Variants in COL19A1 observed in about 807,000 individuals in gnomAD.
COL19A1 encodes collagen type XIX alpha 1 chain.
Under a neutral mutation model 190.2 loss-of-function variants are expected in COL19A1, and 159 were observed. That is an observed-to-expected ratio of 0.84 (90% confidence interval 0.73 to 0.95). The LOEUF (loss-of-function observed/expected upper bound fraction) is 0.95. Among genes scored for constraint, COL19A1 ranks in the 40% least tolerant of loss-of-function variants. The pLI is 0.00. For synonymous variants in COL19A1, 509 were observed against 458.9 expected (o/e 1.11, Z -1.39); for missense variants, 1,418 against 1,431.9 (o/e 0.99, Z 0.16).
At chr6:70,112,492 G>T (rs962218765) in intron 16 of COL19A1, among the ~76,000 whole-genome samples, 5 of 152,052 alleles carry the variant, frequency 3.3e-5, no homozygotes, top group Non-Finnish European at 7.4e-5. Flanking sequence ...CATTAGGGGA[G>T]GAATCTTTTT....
Position 70,063,997 on chromosome 6 carries a change from C to T in COL19A1, c.1171-4426C>T, listed in dbSNP as rs1434700344. On this transcript the variant is annotated intron_variant, in intron 14 of 50. Transcript: ENST00000620364. ...GAGGCAATAATTAATAGCTTACCAACCAAAAAGAGTCCAGGACCAGATGGA... is the reference window on the plus strand; with the variant it reads ...GAGGCAATAATTAATAGCTTACCAATCAAAAAGAGTCCAGGACCAGATGGA... Among the ~76,000 whole-genome samples, 13 of 152,186 alleles carry T rather than the reference C, an allele frequency of 8.5e-5. No individual in the cohort carries two copies. In the East Asian group the frequency reaches 2.5e-3, roughly 29 times the overall value.
At chr6:70,099,057 A>C (rs1245442903) in intron 15 of COL19A1, among the ~76,000 whole-genome samples, 4 of 1,162 alleles carry the variant, frequency 3.4e-3, no homozygotes, top group African/African-American at 0.013. Context: ...CCCTGTCTCT[A>C]AAAAAAAAAA....
At chr6:69,910,990 C>G (rs577589499) in intron 4 of COL19A1, among the ~76,000 whole-genome samples, 1 of 152,200 alleles carries the variant, frequency 6.6e-6, no homozygotes, top group South Asian at 2.1e-4. Context: ...GAGAATTGAC[C>G]TTTAATAGTG....
In COL19A1 at chr6:70,144,905, T is replaced by A. The variant is rs771834763; in HGVS notation, c.1681-13T>A. ...TGAGCATCAAAGTAAGAATCTTACC[T>A]TGTTTTCTACAGGGAGATCCGGGTG... is the stretch of plus-strand genomic sequence containing the variant. On this transcript the variant is annotated splice_polypyrimidine_tract_variant and intron_variant, in intron 24 of 50. Coordinates refer to ENST00000620364, the MANE Select transcript of COL19A1 (RefSeq NM_001858.6). 4.6e-6 allele frequency: 7 copies of A among 1,531,378 alleles called. No homozygotes were observed. The South Asian group carries it at 8.4e-5, about 18-fold the overall frequency. 94.9% of individuals were successfully genotyped at this position (1,531,378 alleles called of 1,614,324 possible). A position where few individuals can be genotyped will look rare whatever the true frequency, so the allele number is the denominator to read the frequency against.
At chr6:70,094,770 A>G (rs1162777447) in intron 15 of COL19A1, among the ~76,000 whole-genome samples, 1 of 152,170 alleles carries the variant, frequency 6.6e-6, no homozygotes, top group East Asian at 1.9e-4. Flanking sequence ...CATTGATTTA[A>G]ATAGCCTTGT....
intron 4 of COL19A1, among the ~76,000 whole-genome samples, chr6:69,917,639 G>A (rs369419521): frequency 1.3e-5 from 2 of 152,172 alleles, no homozygotes; most frequent in East Asian, 1.9e-4. Flanking sequence ...GTTAGATGGT[G>A]ACTAGGGTGA....
chr6:70,156,360 G>C lies in COL19A1; in HGVS notation c.2229G>C (p.Glu743Asp), dbSNP rs770796097. 3.1e-6 allele frequency: 5 copies of C among 1,613,280 alleles called. No homozygotes were observed. The East Asian group carries it at 1.1e-4, about 36-fold the overall frequency. Residue 743 changes from glutamate to aspartate, a missense_variant, in exon 33 of 51, where the codon GAG becomes GAC. Physicochemically the swap from Glu to Asp is conservative, Grantham distance 45 (BLOSUM62 2). Coordinates refer to ENST00000620364, the MANE Select transcript of COL19A1 (RefSeq NM_001858.6). ...PRGPPGIPGREGPKGSKGERG... is the reference protein window; with the variant it reads ...PRGPPGIPGRDGPKGSKGERG... ...GTCCTCCAGGAATCCCAGGAAGAGA[G>C]GGACCAAAGGTAAGAAATTCTCTCC...
chr6:70,083,985 T>G (rs558636545), intron 15 of COL19A1, among the ~76,000 whole-genome samples: 21 of 151,712 alleles, frequency 1.4e-4, no homozygotes, highest in Non-Finnish European at 7.4e-5. Flanking sequence ...CAACCTTTTT[T>G]CCCCCCGGAA....
intron 11 of COL19A1, among the ~76,000 whole-genome samples, chr6:69,970,370 T>C (rs1190462078): frequency 6.6e-6 from 1 of 152,196 alleles, no homozygotes; most frequent in African/African-American, 2.4e-5. Context: ...GAAAATATTA[T>C]TTTAAAAATC....
intron 48 of COL19A1, among the ~76,000 whole-genome samples, chr6:70,194,065 CA>C (rs2150301030): frequency 6.6e-6 from 1 of 152,352 alleles, no homozygotes; most frequent in South Asian, 2.1e-4. Context: ...AGTGGTTTCA[CA>C]AGAGACAGTG....
chr6:70,154,348 C>T (rs956172139), intron 31 of COL19A1, among the ~76,000 whole-genome samples: 6 of 152,028 alleles, frequency 3.9e-5, no homozygotes, highest in Non-Finnish European at 5.9e-5. Flanking sequence ...TTTCTTTATC[C>T]AGTCTATCAT....
intron 16 of COL19A1, among the ~76,000 whole-genome samples, chr6:70,119,476 A>G (rs1002566759): frequency 6.6e-6 from 1 of 152,214 alleles, no homozygotes; most frequent in Non-Finnish European, 1.5e-5. Flanking sequence ...TAAATAGAAC[A>G]TAGAAGAGTG....
At chr6:70,051,560 C>G (rs1217064051) in intron 14 of COL19A1, among the ~76,000 whole-genome samples, 1 of 152,126 alleles carries the variant, frequency 6.6e-6, no homozygotes, top group African/African-American at 2.4e-5. Flanking sequence ...CAAACTTGCC[C>G]TTTGCCAAAA....
intron 1 of COL19A1, among the ~76,000 whole-genome samples, chr6:69,874,164 A>G (rs542353124): frequency 2.0e-5 from 3 of 152,294 alleles, no homozygotes; most frequent in Non-Finnish European, 2.9e-5. Context: ...CAGAGCATCA[A>G]GAAGAAGCCT....
At chr6:69,890,269 A>G (rs1396013469) in intron 2 of COL19A1, 3 of 152,196 alleles carry the variant, frequency 2.0e-5, no homozygotes, top group Non-Finnish European at 2.9e-5. Context: ...TCTATTTGAT[A>G]ACTCCATTGT....
chr6:70,030,592 A>G (rs939388855), intron 12 of COL19A1, among the ~76,000 whole-genome samples: 9 of 152,194 alleles, frequency 5.9e-5, no homozygotes, highest in African/African-American at 9.7e-5. Context: ...CAGACGTTCA[A>G]TAATATTTGT....
chr6:70,096,011 CT>C (rs1022556876), intron 15 of COL19A1, among the ~76,000 whole-genome samples: 1 of 151,848 alleles, frequency 6.6e-6, no homozygotes, highest in African/African-American at 2.4e-5. Context: ...ATGCAAATAT[CT>C]TTTCTTAAAA....
At chr6:70,072,000 G>A (rs1464141345) in intron 15 of COL19A1, among the ~76,000 whole-genome samples, 3 of 152,068 alleles carry the variant, frequency 2.0e-5, no homozygotes, top group East Asian at 1.9e-4. Flanking sequence ...AATGTGTAAG[G>A]AAATTAGGGC....
At chr6:69,954,528 C>T (rs562520990) in intron 9 of COL19A1, among the ~76,000 whole-genome samples, 5 of 152,046 alleles carry the variant, frequency 3.3e-5, no homozygotes, top group Non-Finnish European at 7.4e-5. Context: ...GTACTTTCTA[C>T]AGAAGCATAA....
Sources: allele counts gnomAD v4.1 joint callset (sites outside exome capture counted in the v4.1 genomes callset), GRCh38; gene constraint gnomAD v4.1.1; transcripts MANE v1.5; gene names NCBI Gene and HGNC (gene_info 2026-07-23, HGNC 2026-07-21).